The following RPS6KA6 variants were observed in gnomAD, a reference collection of about 807,000 sequenced individuals.
RPS6KA6 encodes the protein ribosomal protein S6 kinase A6, also known as ribosomal protein S6 kinase alpha-6.
RPS6KA6 carries 27 observed loss-of-function variants against 65.4 expected under a neutral mutation model. The ratio of observed to expected loss-of-function variants is 0.41; its 90% CI spans 0.30 to 0.57. RPS6KA6 has a LOEUF of 0.57. RPS6KA6 is among the 20% of genes least tolerant of loss of function. RPS6KA6 has a pLI of 0.24. For missense variants in RPS6KA6, 486 were observed against 555.6 expected, an observed-to-expected ratio of 0.87 and a Z score of 1.26; for synonymous variants, 190 against 184.2, an observed-to-expected ratio of 1.03 and a Z score of -0.26.
At chrX:84,127,490 A>G (rs759786596) in intron 8 of RPS6KA6, among the ~76,000 whole-genome samples, 4 of 111,536 alleles carry the variant, frequency 3.6e-5, no homozygotes, top group Admixed American at 9.5e-5. Flanking sequence ...TTACCCTGAT[A>G]CCCAAACCAG....
At chrX:84,087,673 T>C (rs763067289) in intron 20 of RPS6KA6, among the ~76,000 whole-genome samples, 1 of 111,559 alleles carries the variant, frequency 9.0e-6, no homozygotes, top group Admixed American at 9.6e-5. Context: ...ACTGGGGTTC[T>C]CTGGATTTCT....
intron 20 of RPS6KA6, among the ~76,000 whole-genome samples, chrX:84,086,222 G>T (rs187918399): frequency 4.9e-4 from 54 of 110,997 alleles, no homozygotes; most frequent in African/African-American, 1.7e-3. Flanking sequence ...TTTGCCCTTG[G>T]TTCTCTAGTT....
Position 84,156,274 on chromosome X carries a change from G to A in RPS6KA6, c.142-83C>T. ...CCATTTAAAATCAGAAGTCATAATA[G>A]AAATACCCAACTCCCTCAATGTAGC... On this transcript the variant is annotated intron_variant, in intron 2 of 21. Transcript: ENST00000262752. The A allele has an allele frequency of 1.7e-5, 9 of 522,652 alleles. No homozygotes were observed. In the South Asian group the frequency reaches 2.8e-4, roughly 17 times the overall value. The allele number at this position is 522,652 out of a possible 1,213,427, so 43.1% of individuals were successfully genotyped here.
chrX:84,066,118 A>C (rs1237837332), intron 20 of RPS6KA6, among the ~76,000 whole-genome samples: 1 of 111,015 alleles, frequency 9.0e-6, no homozygotes, highest in African/African-American at 3.3e-5. Context: ...ACAAATCAGG[A>C]GATTCCCTGG....
In RPS6KA6 at chrX:84,118,457, A is replaced by G. The variant is rs761047288; in HGVS notation, c.790-1003T>C. 7.2e-5 allele frequency among the ~76,000 whole-genome samples: 8 copies of G among 111,436 alleles called. No homozygotes were observed. In the South Asian group the frequency reaches 3.1e-3, roughly 43 times the overall value. Reference sequence around the variant, plus strand: ...TTGGGTAGTTAATATATACGTATTAAGGTCTCCAAATGATTCTGATTCTCT... The same window carrying G: ...TTGGGTAGTTAATATATACGTATTAGGGTCTCCAAATGATTCTGATTCTCT... On this transcript the variant is annotated intron_variant, in intron 9 of 21. Coordinates refer to ENST00000262752, the MANE Select transcript of RPS6KA6 (RefSeq NM_014496.5).
rs759712222 is a variant in RPS6KA6 at position 84,060,005 on chromosome X, T to G, written c.*4272A>C. The G allele has an allele frequency of 8.9e-6, 1 of 111,989 alleles. No homozygotes were observed. The highest frequency in any genetic ancestry group is 1.9e-5 in the Non-Finnish European group (1 of 53,172). 9.2% of individuals were successfully genotyped at this position (111,989 alleles called of 1,213,427 possible). A position where few individuals can be genotyped will look rare whatever the true frequency, so the allele number is the denominator to read the frequency against. ...TATAGTTCCCTTTTCTCTTATGTAT[T>G]AGCAACCAAACTGAATTTTAGGTGA... On this transcript the variant is annotated 3_prime_UTR_variant, in exon 22 of 22. Transcript: ENST00000262752.
chrX:84,176,657 T>A (rs2035774001), intron 1 of RPS6KA6, among the ~76,000 whole-genome samples: 1 of 106,588 alleles, frequency 9.4e-6, no homozygotes, highest in East Asian at 3.8e-4. Flanking sequence ...TCCCATTTTA[T>A]ATGTGAAGAA....
In RPS6KA6 at chrX:84,135,101, T is replaced by A. The variant is rs764561981; in HGVS notation, c.608+3A>T. 1.7e-6 allele frequency: 2 copies of A among 1,173,949 alleles called. No individual in the cohort carries two copies. The highest frequency in any genetic ancestry group is 3.6e-5 in the South Asian group (2 of 55,097). On this transcript the variant is annotated splice_donor_region_variant and intron_variant, in intron 7 of 21. Transcript: ENST00000262752. ...ACATGAAAACAAAAGAATACAGCTT[T>A]ACTTTTCTGGCTTCAGGTCTCTATA...
chrX:84,116,067 C>T (rs2034558725), intron 12 of RPS6KA6, among the ~76,000 whole-genome samples, 162 bp downstream of exon 12: 1 of 111,140 alleles, frequency 9.0e-6, no homozygotes, highest in Non-Finnish European at 1.9e-5. Flanking sequence ...AAAAAACCCA[C>T]AAATGCACCC....
chrX:84,106,551 G>T, intron 14 of RPS6KA6, 64 bp from the exon 15 acceptor site: 1 of 784,765 alleles, frequency 1.3e-6, no homozygotes, highest in Non-Finnish European at 1.8e-6. Context: ...TCTGTCTTTT[G>T]TCCTAAATAT....
In RPS6KA6 at chrX:84,062,214, A is replaced by C. The variant is rs895918466; in HGVS notation, c.*2063T>G. ...GCAAGCTAATTTAAAATTAATTAAG[A>C]CTGTCTACTTTTTAAAGCCATTGAT... On this transcript the variant is annotated 3_prime_UTR_variant, in exon 22 of 22. Coordinates refer to ENST00000262752, the MANE Select transcript of RPS6KA6 (RefSeq NM_014496.5). The C allele has an allele frequency of 2.7e-5, 3 of 111,253 alleles. No homozygotes were observed. Among genetic ancestry groups the C allele is most frequent in the Non-Finnish European group, 5.7e-5 (3 of 52,901 alleles). The allele number at this position is 111,253 out of a possible 1,213,427, so 9.2% of individuals were successfully genotyped here. A position where few individuals can be genotyped will look rare whatever the true frequency, so the allele number is the denominator to read the frequency against.
chrX:84,067,779 T>C (rs1174985544), intron 20 of RPS6KA6, among the ~76,000 whole-genome samples: 1 of 111,139 alleles, frequency 9.0e-6, no homozygotes, highest in Non-Finnish European at 1.9e-5. Context: ...ACCACTAAGA[T>C]ACTCCTTGAG....
At chrX:84,172,965 G>A (rs1217573399) in intron 1 of RPS6KA6, among the ~76,000 whole-genome samples, 1 of 110,809 alleles carries the variant, frequency 9.0e-6, no homozygotes, top group Non-Finnish European at 1.9e-5. Flanking sequence ...TGGCAAAAAG[G>A]GGAGAATGGA....
chrX:84,171,889 GTT>G (rs2035689856), intron 1 of RPS6KA6, among the ~76,000 whole-genome samples: 1 of 110,580 alleles, frequency 9.0e-6, no homozygotes, highest in African/African-American at 3.3e-5. Context: ...GTGTCCATGT[GTT>G]CTCATTGTTC....
chrX:84,167,873 T>G (rs1475551866), intron 1 of RPS6KA6, among the ~76,000 whole-genome samples: 1 of 110,972 alleles, frequency 9.0e-6, no homozygotes, highest in Non-Finnish European at 1.9e-5. Flanking sequence ...CTCTATACAT[T>G]TTTTAATCTC....
intron 20 of RPS6KA6, among the ~76,000 whole-genome samples, chrX:84,088,442 G>A (rs1304683745): frequency 9.0e-6 from 1 of 111,686 alleles, no homozygotes; most frequent in Non-Finnish European, 1.9e-5. Context: ...TCCCTTACCT[G>A]GAAGTATCAC....
intron 20 of RPS6KA6, among the ~76,000 whole-genome samples, chrX:84,087,426 C>A (rs761440671): frequency 1.8e-5 from 2 of 111,397 alleles, no homozygotes; most frequent in Admixed American, 1.9e-4. Context: ...TTATTTTGCC[C>A]AGGTATGAAA....
intron 3 of RPS6KA6, among the ~76,000 whole-genome samples, chrX:84,149,692 A>G (rs951856224): frequency 8.1e-5 from 9 of 111,471 alleles, no homozygotes; most frequent in Admixed American, 7.6e-4. Flanking sequence ...ACACCATGCT[A>G]TAAACAGATG....
At position 84,062,100 on chromosome X, in the gene RPS6KA6, C is replaced by T. The variant is rs1192522477; in HGVS notation, c.*2177G>A. On this transcript the variant is annotated 3_prime_UTR_variant, in exon 22 of 22. Transcript: ENST00000262752. ...CTGTATCTTTTATACACTGTCAGTC[C>T]TCACTGGGTGATCAGAAATCATGCT... 3 of 111,577 alleles carry T rather than the reference C, an allele frequency of 2.7e-5. No individual in the cohort carries two copies. The highest frequency in any genetic ancestry group is 5.7e-5 in the Non-Finnish European group (3 of 52,995). The allele number at this position is 111,577 out of a possible 1,213,427, so 9.2% of individuals were successfully genotyped here.
Sources: gnomAD v4.1 joint callset for allele counts (sites outside exome capture counted in the v4.1 genomes callset) on GRCh38, gnomAD v4.1.1 for gene constraint, MANE v1.5 for transcripts, NCBI Gene and HGNC (gene_info 2026-07-23, HGNC 2026-07-21) for gene names.